Variants in MLLT10 observed in about 807,000 individuals in gnomAD.
MLLT10 encodes protein AF-10.
Under a neutral mutation model 129.1 loss-of-function variants are expected in MLLT10, and 30 were observed. The ratio of observed to expected loss-of-function variants is 0.23; its 90% CI spans 0.17 to 0.32. The LOEUF is 0.32. MLLT10 is among the 10% of genes least tolerant of loss of function. The probability of loss-of-function intolerance (pLI) is 1.00; values close to 1 mark genes in which losing one functional copy is unlikely to be tolerated. For missense variants in MLLT10, 1,119 were observed against 1,268.3 expected (o/e 0.88, Z 1.79); for synonymous variants, 490 against 446.4 (o/e 1.10, Z -1.23).
At chr10:21,645,073 G>A (rs956040275) in intron 8 of MLLT10, among the ~76,000 whole-genome samples, 1 of 152,142 alleles carries the variant, frequency 6.6e-6, no homozygotes, top group Non-Finnish European at 1.5e-5. Flanking sequence ...AAGTAGTTTA[G>A]TAGGTAGGAA....
intron 22 of MLLT10, among the ~76,000 whole-genome samples, chr10:21,740,573 ATATTT>A (rs1421465441): frequency 6.6e-6 from 1 of 152,198 alleles, no homozygotes; most frequent in African/African-American, 2.4e-5. Flanking sequence ...TATCTTGGAA[ATATTT>A]TTATTTTACT....
At chr10:21,682,943 C>G (rs2052895922) in intron 13 of MLLT10, among the ~76,000 whole-genome samples, 1 of 152,092 alleles carries the variant, frequency 6.6e-6, no homozygotes, top group Non-Finnish European at 1.5e-5. Context: ...TGTTGATTTT[C>G]TTTTTCAGTT....
intron 5 of MLLT10, among the ~76,000 whole-genome samples, chr10:21,597,274 A>G (rs759835426): frequency 1.3e-5 from 2 of 152,038 alleles, no homozygotes; most frequent in Non-Finnish European, 2.9e-5. Context: ...ATACATTATT[A>G]CTCTCTGATC....
chr10:21,603,853 C>T (rs1413647886), intron 5 of MLLT10, among the ~76,000 whole-genome samples: 1 of 149,840 alleles, frequency 6.7e-6, no homozygotes, highest in African/African-American at 2.4e-5. Context: ...TCACCCTAAT[C>T]TCTGCTGCTA....
At chr10:21,670,821 T>C in intron 10 of MLLT10, 117 bp downstream of exon 10, 2 of 1,171,080 alleles carry the variant, frequency 1.7e-6, no homozygotes, top group Admixed American at 2.8e-5. Context: ...TAGATTATTA[T>C]ATGATTAGTT....
rs756113674 is a variant in MLLT10, at chr10:21,682,226, G to C, written c.1668G>C (p.Thr556=). 1.9e-6 allele frequency: 3 copies of C among 1,609,820 alleles called. No homozygotes were observed. Among genetic ancestry groups the C allele is most frequent in the Middle Eastern group, 1.7e-4 (1 of 6,048 alleles). ...YRHDGACPTT[T]FSELLNAIHN... ...AGTCCTTTTTTCCTTACTTAAAAGC[G>C]TTCTCAGAGTTGCTGAATGCAATAC... is the stretch of plus-strand genomic sequence containing the variant. Residue 556 remains threonine, a splice_region_variant and synonymous_variant, in exon 13 of 23, where the codon ACG becomes ACC. Transcript: ENST00000307729.
At chr10:21,662,834 G>T (rs887856885) in intron 9 of MLLT10, among the ~76,000 whole-genome samples, 7 of 152,188 alleles carry the variant, frequency 4.6e-5, no homozygotes, top group Admixed American at 2.0e-4. Flanking sequence ...GGGAACAGGA[G>T]ATCTTATATT....
intron 8 of MLLT10, among the ~76,000 whole-genome samples, chr10:21,627,254 T>TA (rs1219068373): frequency 2.0e-5 from 3 of 152,192 alleles, no homozygotes; most frequent in Non-Finnish European, 2.9e-5. Context: ...CATTGCAGGG[T>TA]AAATTACAAA....
intron 3 of MLLT10, among the ~76,000 whole-genome samples, chr10:21,556,269 T>G (rs912446505): frequency 3.9e-5 from 6 of 152,164 alleles, no homozygotes; most frequent in Admixed American, 3.9e-4. Flanking sequence ...AGCCTCAAAT[T>G]TAAGACAAAT....
intron 9 of MLLT10, among the ~76,000 whole-genome samples, chr10:21,662,759 A>G (rs923441518): frequency 6.6e-6 from 1 of 152,210 alleles, no homozygotes; most frequent in African/African-American, 2.4e-5. Context: ...CAAGTTGAAC[A>G]TTATATCCTG....
intron 16 of MLLT10, among the ~76,000 whole-genome samples, chr10:21,729,024 C>G (rs1166621943): frequency 6.6e-6 from 1 of 151,900 alleles, no homozygotes; most frequent in African/African-American, 2.4e-5. Flanking sequence ...AATGGTACAT[C>G]TAGTGATGCC....
At chr10:21,579,438 T>C (rs1030059515) in intron 3 of MLLT10, among the ~76,000 whole-genome samples, 1 of 151,970 alleles carries the variant, frequency 6.6e-6, no homozygotes, top group Non-Finnish European at 1.5e-5. Flanking sequence ...ATTCTTTCTC[T>C]CTTCTTCTTT....
chr10:21,606,674 G>A (rs1006386119), intron 5 of MLLT10, among the ~76,000 whole-genome samples: 4 of 152,190 alleles, frequency 2.6e-5, no homozygotes, highest in African/African-American at 9.7e-5. Context: ...AGATGTGACT[G>A]AATTGCTGCA....
At chr10:21,655,859 C>T (rs564466949) in intron 9 of MLLT10, among the ~76,000 whole-genome samples, 98 of 152,096 alleles carry the variant, frequency 6.4e-4, no homozygotes, top group African/African-American at 2.3e-3. Context: ...AGGAGATGTT[C>T]AGAGAAAAGG....
chr10:21,717,592 CTCT>C (rs1197825670), intron 14 of MLLT10, among the ~76,000 whole-genome samples: 3 of 124,836 alleles, frequency 2.4e-5, no homozygotes, highest in Non-Finnish European at 5.0e-5. Context: ...CTTCCTCTTC[CTCT>C]TCTTTCTTCC....
At chr10:21,583,185 A>T (rs2041649435) in intron 3 of MLLT10, among the ~76,000 whole-genome samples, 1 of 152,086 alleles carries the variant, frequency 6.6e-6, no homozygotes, top group African/African-American at 2.4e-5. Flanking sequence ...AAAATAAAAT[A>T]AAGTGTTTAT....
intron 8 of MLLT10, among the ~76,000 whole-genome samples, chr10:21,626,744 T>G (rs2046487929): frequency 1.3e-5 from 2 of 152,016 alleles, no homozygotes; most frequent in African/African-American, 4.8e-5. Context: ...GACTTCTCTT[T>G]GTCTTTGTAA....
chr10:21,644,591 G>A (rs1259113122), intron 8 of MLLT10, among the ~76,000 whole-genome samples: 1 of 151,556 alleles, frequency 6.6e-6, no homozygotes, highest in Non-Finnish European at 1.5e-5. Context: ...CAAGTGTTTG[G>A]GTGTATTTTA....
Position 21,673,226 on chromosome 10 carries a change from A to AT in MLLT10, c.1052-117dup, listed in dbSNP as rs1451903447. 8 of 572,000 alleles carry AT rather than the reference A, an allele frequency of 1.4e-5. No individual in the cohort carries two copies. The Admixed American group carries it at 2.6e-4, about 18-fold the overall frequency. The allele number at this position is 572,000 out of a possible 1,614,324, so 35.4% of individuals were successfully genotyped here. A position where few individuals can be genotyped will look rare whatever the true frequency, so the allele number is the denominator to read the frequency against. On this transcript the variant is annotated intron_variant, in intron 10 of 22. Transcript: ENST00000307729. The stretch of plus-strand genomic sequence containing the variant: ...ACGAATGTCCTAAGTGTTGTAGTTA[A>AT]TTTTTTTAAACTCTTCTCTTTAATG...
Sources: allele counts gnomAD v4.1 joint callset (sites outside exome capture counted in the v4.1 genomes callset), GRCh38; gene constraint gnomAD v4.1.1; transcripts MANE v1.5; gene names NCBI Gene and HGNC (gene_info 2026-07-23, HGNC 2026-07-21).